RUNDC3B: variants seen among roughly 807,000 people sequenced by gnomAD.
RUNDC3B encodes RUN domain containing 3B, also known as RUN domain-containing protein 3B.
RUNDC3B carries 33 observed loss-of-function variants against 58.4 expected under a neutral mutation model. That is an observed-to-expected ratio of 0.56 (90% CI 0.43 to 0.75). The LOEUF (loss-of-function observed/expected upper bound fraction) is 0.75, where lower values mean the gene tolerates loss of function less well. Among genes scored for constraint, RUNDC3B ranks in the 30% least tolerant of loss-of-function variants. RUNDC3B has a pLI of 0.00. For synonymous variants in RUNDC3B, 193 were observed against 195.2 expected, an observed-to-expected ratio of 0.99 and a Z score of 0.10; for missense variants, 501 against 535.7, an observed-to-expected ratio of 0.94 and a Z score of 0.64.
intron 1 of RUNDC3B, among the ~76,000 whole-genome samples, chr7:87,630,948 G>A (rs1236388358): frequency 6.6e-6 from 1 of 152,086 alleles, no homozygotes; most frequent in Non-Finnish European, 1.5e-5. Context: ...TCTGGGGACA[G>A]CTCTCTGTAT....
At chr7:87,687,886 ATGGATAATC>A (rs1300244400) in intron 2 of RUNDC3B, among the ~76,000 whole-genome samples, 1 of 152,210 alleles carries the variant, frequency 6.6e-6, no homozygotes, top group African/African-American at 2.4e-5. Context: ...GTTAGAAACA[ATGGATAATC>A]ATAAACCTGT....
In RUNDC3B at chr7:87,636,516, T is replaced by G. The variant is rs1258995535; in HGVS notation, c.122+7571T>G. 3.9e-5 allele frequency among the ~76,000 whole-genome samples: 6 copies of G among 152,220 alleles called. No individual in the cohort carries two copies. The East Asian group carries it at 1.2e-3, about 29-fold the overall frequency. On this transcript the variant is annotated intron_variant, in intron 1 of 10. Transcript: ENST00000394654. Reference sequence around the variant, plus strand: ...TGCAAATGTCTTCCATTTGGTGGCTTTATTTTTCACTCTGTAGTATGTTTT... The same window carrying G: ...TGCAAATGTCTTCCATTTGGTGGCTGTATTTTTCACTCTGTAGTATGTTTT...
intron 2 of RUNDC3B, among the ~76,000 whole-genome samples, chr7:87,697,207 A>T (rs946933328): frequency 5.3e-5 from 8 of 152,160 alleles, no homozygotes; most frequent in Non-Finnish European, 1.2e-4. Context: ...ACCTATTTGG[A>T]TTACCACTAT....
At chr7:87,788,852 T>C (rs2130902893) in intron 8 of RUNDC3B, among the ~76,000 whole-genome samples, 1 of 152,280 alleles carries the variant, frequency 6.6e-6, no homozygotes, top group Admixed American at 6.5e-5. Flanking sequence ...GTGGAAAAAC[T>C]TCAGTTTTGA....
rs1459375717 is a variant in RUNDC3B, at chr7:87,628,725, G to T, written c.-99G>T. On this transcript the variant is annotated 5_prime_UTR_variant, in exon 1 of 11. Coordinates refer to ENST00000394654, the MANE Select transcript of RUNDC3B (RefSeq NM_001134405.2). ...CAGGCTCCTTTCCTACATCCTTCCC[G>T]CGCCCCCACGGTTGCGGACCGAGCG... 9.9e-6 allele frequency: 7 copies of T among 708,662 alleles called. No homozygotes were observed. Among genetic ancestry groups the T allele is most frequent in the South Asian group, 1.5e-4 (2 of 13,312 alleles). The allele number at this position is 708,662 out of a possible 1,614,324, so 43.9% of individuals were successfully genotyped here. A position where few individuals can be genotyped will look rare whatever the true frequency, so the allele number is the denominator to read the frequency against.
chr7:87,685,984 C>T (rs1231869993), intron 2 of RUNDC3B, among the ~76,000 whole-genome samples: 2 of 152,140 alleles, frequency 1.3e-5, no homozygotes, highest in East Asian at 3.9e-4. Flanking sequence ...AAGGAATACT[C>T]CTTTACCATC....
At chr7:87,646,035 A>AT (rs1469947562) in intron 1 of RUNDC3B, among the ~76,000 whole-genome samples, 1 of 152,146 alleles carries the variant, frequency 6.6e-6, no homozygotes, top group Non-Finnish European at 1.5e-5. Flanking sequence ...AATCATAGAA[A>AT]TTGTGTCTAA....
intron 4 of RUNDC3B, among the ~76,000 whole-genome samples, chr7:87,726,363 G>T (rs996273680): frequency 3.3e-5 from 5 of 152,108 alleles, no homozygotes; most frequent in Admixed American, 6.6e-5. Flanking sequence ...TTTCCCCATT[G>T]CTGGTTTTTG....
chr7:87,828,405 A>C (rs1051050156), intron 10 of RUNDC3B, among the ~76,000 whole-genome samples: 1 of 151,996 alleles, frequency 6.6e-6, no homozygotes, highest in Non-Finnish European at 1.5e-5. Context: ...CCCACTGTCT[A>C]CCACTGCCAT....
chr7:87,651,556 A>G (rs1823571883), intron 2 of RUNDC3B, among the ~76,000 whole-genome samples: 1 of 152,150 alleles, frequency 6.6e-6, no homozygotes, highest in South Asian at 2.1e-4. Context: ...AATAAGTACT[A>G]ACTTTATCAC....
At chr7:87,761,703 G>C (rs1833692840) in intron 6 of RUNDC3B, among the ~76,000 whole-genome samples, 1 of 151,850 alleles carries the variant, frequency 6.6e-6, no homozygotes, top group Admixed American at 6.6e-5. Flanking sequence ...ATAGGTGAAA[G>C]GCGTCAAACA....
chr7:87,650,439 G>A (rs1585002513), intron 1 of RUNDC3B, among the ~76,000 whole-genome samples: 3 of 152,090 alleles, frequency 2.0e-5, no homozygotes, highest in African/African-American at 4.8e-5. Context: ...GTCTTTACAT[G>A]GCAGAAGAGG....
chr7:87,732,924 C>T (rs1346305998), intron 4 of RUNDC3B, among the ~76,000 whole-genome samples: 1 of 152,124 alleles, frequency 6.6e-6, no homozygotes. Flanking sequence ...ACAATCTTTC[C>T]ATAACGTATG....
rs1378569579 is a variant in RUNDC3B at position 87,819,404 on chromosome 7, A to G, written c.1225+3142A>G. On this transcript the variant is annotated intron_variant, in intron 10 of 10. Transcript: ENST00000394654. Reference sequence around the variant, plus strand: ...TCATAAAGCAAGTCCTTAGTGACCTACAAAGAGACTTAGACTCCCACACAA... The same window carrying G: ...TCATAAAGCAAGTCCTTAGTGACCTGCAAAGAGACTTAGACTCCCACACAA... 5.3e-5 allele frequency among the ~76,000 whole-genome samples: 8 copies of G among 152,302 alleles called. No individual in the cohort carries two copies. In the East Asian group the frequency reaches 1.5e-3, roughly 29 times the overall value.
chr7:87,713,668 A>G (rs896456053), intron 4 of RUNDC3B, among the ~76,000 whole-genome samples: 26 of 151,362 alleles, frequency 1.7e-4, no homozygotes, highest in Non-Finnish European at 3.7e-4. Flanking sequence ...AAAAAAAGAG[A>G]GAGACTTCTT....
chr7:87,645,636 A>G (rs1822928453), intron 1 of RUNDC3B, among the ~76,000 whole-genome samples: 1 of 152,222 alleles, frequency 6.6e-6, no homozygotes. Context: ...GATGACTAAT[A>G]TTAATGTCAT....
intron 2 of RUNDC3B, among the ~76,000 whole-genome samples, chr7:87,680,342 G>A (rs1826804534): frequency 6.6e-6 from 1 of 150,572 alleles, no homozygotes; most frequent in South Asian, 2.1e-4. Flanking sequence ...GGATTCTCGA[G>A]GAAAATTAGT....
rs148104144 is a variant in RUNDC3B, at chr7:87,815,091, CT to C, written c.1104-1048del. On this transcript the variant is annotated intron_variant, in intron 9 of 10. Transcript: ENST00000394654. The stretch of plus-strand genomic sequence containing the variant: ...TTACTAAAGTAAATTCTTTCCCCCC[CT>C]TCCTCCCCATTTTGAATGGAGTCGT... Among the ~76,000 whole-genome samples, 1,091 of 152,080 alleles carry C rather than the reference CT, an allele frequency of 7.2e-3. 10 individuals carry two copies. The highest frequency in any genetic ancestry group is 0.025 in the African/African-American group (1,033 of 41,508).
chr7:87,631,434 AG>A (rs1388173179), intron 1 of RUNDC3B, among the ~76,000 whole-genome samples: 2 of 152,100 alleles, frequency 1.3e-5, no homozygotes, highest in African/African-American at 4.8e-5. Flanking sequence ...TCTGTCTCCC[AG>A]GCTGGAGAGC....
Sources: gnomAD v4.1 joint callset for allele counts (sites outside exome capture counted in the v4.1 genomes callset) on GRCh38, gnomAD v4.1.1 for gene constraint, MANE v1.5 for transcripts, NCBI Gene and HGNC (gene_info 2026-07-23, HGNC 2026-07-21) for gene names.